Variants in PPM1F observed in about 807,000 individuals in gnomAD.
The protein encoded by PPM1F is protein phosphatase, Mg2+/Mn2+ dependent 1F.
In PPM1F, 17 loss-of-function variants were observed where a neutral mutation model predicts 35.5. That is an observed-to-expected ratio of 0.48 (90% confidence interval 0.33 to 0.72). PPM1F has a LOEUF of 0.72. Among genes scored for constraint, PPM1F ranks in the 30% least tolerant of loss-of-function variants. The probability of loss-of-function intolerance (pLI) is 0.02; values close to 1 mark genes in which losing one functional copy is unlikely to be tolerated. For synonymous variants in PPM1F, 241 were observed against 255.5 expected (o/e 0.94, Z 0.54); for missense variants, 521 against 613.0 (o/e 0.85, Z 1.59).
intron 1 of PPM1F, chr22:21,951,004 ATTTT>A (rs948757221): frequency 1.3e-5 from 2 of 151,932 alleles, no homozygotes; most frequent in African/African-American, 4.8e-5. Flanking sequence ...TAAATCCTAG[ATTTT>A]TTTTCTACAT....
At chr22:21,938,477 ACTG>A (rs2070688489) in intron 3 of PPM1F, 6 of 1,109,584 alleles carry the variant, frequency 5.4e-6, no homozygotes, top group Non-Finnish European at 6.7e-6. Flanking sequence ...GCGGGCACCC[ACTG>A]ATGCTGGCGG....
chr22:21,927,855 G>A (rs768116831), intron 6 of PPM1F, among the ~76,000 whole-genome samples: 6 of 152,038 alleles, frequency 3.9e-5, no homozygotes, highest in African/African-American at 1.2e-4. Flanking sequence ...AGTCTGGTCC[G>A]GGACTAACAT....
Position 21,939,714 on chromosome 22 carries a change from C to G in PPM1F, c.207-34G>C. 1 of 1,550,540 alleles carries G rather than the reference C, an allele frequency of 6.4e-7. No individual in the cohort carries two copies. The highest frequency in any genetic ancestry group is 1.2e-5 in the South Asian group (1 of 84,036). On this transcript the variant is annotated intron_variant, in intron 2 of 7. Transcript: ENST00000263212. The surrounding 1 kb of genome is among the most constrained non-coding windows in gnomAD (Gnocchi z 5.1). ...GAGGAGGGGGAAGTGAGGGGCAGCC[C>G]CCAGCAGGAGACCACACCTAGCCCC...
At chr22:21,948,547 G>A (rs1164506321) in intron 1 of PPM1F, 1 of 152,228 alleles carries the variant, frequency 6.6e-6, no homozygotes, top group Non-Finnish European at 1.5e-5. Flanking sequence ...AGCAAGCTTG[G>A]CTGCCCTCAA....
chr22:21,928,400 C>G (rs1032748498), intron 6 of PPM1F, among the ~76,000 whole-genome samples: 3 of 152,206 alleles, frequency 2.0e-5, no homozygotes, highest in East Asian at 3.9e-4. Flanking sequence ...TCACTGCCCT[C>G]CTGAACTCAC....
chr22:21,933,037 G>GT (rs1042177090), intron 5 of PPM1F, among the ~76,000 whole-genome samples: 3 of 152,154 alleles, frequency 2.0e-5, no homozygotes, highest in African/African-American at 7.2e-5. Flanking sequence ...CTCAGGAACT[G>GT]TGAGTAGTAG....
At position 21,946,132 on chromosome 22, in the gene PPM1F, C is replaced by A. The variant is rs1017822166; in HGVS notation, c.-60-24G>T. The stretch of plus-strand genomic sequence containing the variant: ...CCCTGGGGAGAAATGTCAGAGTCAG[C>A]AGAATCAGGGGGCCATGGCACCAGC... On this transcript the variant is annotated intron_variant, in intron 1 of 7. Coordinates refer to ENST00000263212, the MANE Select transcript of PPM1F (RefSeq NM_014634.4). 6.7e-6 allele frequency: 8 copies of A among 1,200,586 alleles called. No individual in the cohort carries two copies. The African/African-American group carries it at 1.1e-4, about 16-fold the overall frequency. The allele number at this position is 1,200,586 out of a possible 1,614,324, so 74.4% of individuals were successfully genotyped here. A position where few individuals can be genotyped will look rare whatever the true frequency, so the allele number is the denominator to read the frequency against.
chr22:21,922,895 A>G lies in PPM1F; in HGVS notation c.*197T>C. 2.9e-6 allele frequency: 2 copies of G among 681,212 alleles called. No homozygotes were observed. Among genetic ancestry groups the G allele is most frequent in the Non-Finnish European group, 5.0e-6 (2 of 403,208 alleles). 42.2% of individuals were successfully genotyped at this position (681,212 alleles called of 1,614,324 possible). On this transcript the variant is annotated 3_prime_UTR_variant, in exon 8 of 8. Coordinates refer to ENST00000263212, the MANE Select transcript of PPM1F (RefSeq NM_014634.4). The stretch of plus-strand genomic sequence containing the variant: ...GAGGTCTCCTAAGCTGCCTTCCACC[A>G]TCTGCCCGCCACCCAGTGCAGTTCC...
chr22:21,931,492 C>T (rs766022769), intron 5 of PPM1F, among the ~76,000 whole-genome samples: 6 of 151,488 alleles, frequency 4.0e-5, no homozygotes, highest in African/African-American at 7.3e-5. Flanking sequence ...AATTGTATCT[C>T]AATAAAGATG....
At chr22:21,951,758 T>C (rs1360428167) in intron 1 of PPM1F, 1 of 152,248 alleles carries the variant, frequency 6.6e-6, no homozygotes, top group African/African-American at 2.4e-5. Flanking sequence ...AAGTACATAC[T>C]GTCAGGCTAC....
Position 21,939,726 on chromosome 22 carries a change from C to T in PPM1F, c.207-46G>A. 6.5e-7 allele frequency: 1 copy of T among 1,546,858 alleles called. No individual in the cohort carries two copies. The highest frequency in any genetic ancestry group is 8.7e-7 in the Non-Finnish European group (1 of 1,144,130). ...GTGAGGGGCAGCCCCCAGCAGGAGACCACACCTAGCCCCCCTTCCCCAACT... is the reference window on the plus strand; with the variant it reads ...GTGAGGGGCAGCCCCCAGCAGGAGATCACACCTAGCCCCCCTTCCCCAACT... On this transcript the variant is annotated intron_variant, in intron 2 of 7. Coordinates refer to ENST00000263212, the MANE Select transcript of PPM1F (RefSeq NM_014634.4). This position sits in a 1 kb window ranked among gnomAD's most constrained non-coding sequence, Gnocchi z 5.1.
At position 21,923,256 on chromosome 22, in the gene PPM1F, C is replaced by T. The variant is rs2070469084; in HGVS notation, c.1201G>A (p.Gly401Ser). The change falls in exon 8 of 8, where the codon GGC (glycine) becomes AGC (serine). Residue 401 changes from glycine (G) to serine (S), a missense_variant. Physicochemically the swap from Gly to Ser is moderately conservative, Grantham distance 56 (BLOSUM62 0). This residue lies in a region of PPM1F where 163 missense variants were observed against 169.6 expected (regional missense o/e 0.96). Transcript: ENST00000263212. ...EELVAAARER[G>S]SHDNITVMVV... ...ATGACCGTGATGTTGTCGTGGGAGC[C>T]CCGCTCCCGGGCCGCAGCCACCAGC... is the stretch of plus-strand genomic sequence containing the variant. The T allele has an allele frequency of 6.2e-7, 1 of 1,613,398 alleles. No homozygotes were observed. Among genetic ancestry groups the T allele is most frequent in the Non-Finnish European group, 8.5e-7 (1 of 1,179,958 alleles).
chr22:21,931,391 T>G, intron 5 of PPM1F, 100 bp from the exon 6 acceptor site: 1 of 1,205,564 alleles, frequency 8.3e-7, no homozygotes, highest in Non-Finnish European at 1.2e-6. Flanking sequence ...AATACTTCCG[T>G]TACTGTGGTG....
chr22:21,945,054 A>G (rs2070763326), intron 2 of PPM1F: 1 of 152,328 alleles, frequency 6.6e-6, no homozygotes, highest in South Asian at 2.1e-4. Flanking sequence ...CTCCTCGTCC[A>G]TCACACGGAT....
At chr22:21,934,622 C>T (rs1245194637) in intron 3 of PPM1F, 5 of 168,932 alleles carry the variant, frequency 3.0e-5, no homozygotes, top group South Asian at 1.1e-4. Context: ...CAGTGGCTCA[C>T]GCCTGTAATC....
Position 21,934,229 on chromosome 22 carries a change from G to C in PPM1F, c.356-3C>G, listed in dbSNP as rs2070631554. Reference sequence around the variant, plus strand: ...TGCCAGGCTTTGGGCATCCAGCACTGATGGGCACAATGGAGGGATTGTCAG... The same window carrying C: ...TGCCAGGCTTTGGGCATCCAGCACTCATGGGCACAATGGAGGGATTGTCAG... On this transcript the variant is annotated splice_polypyrimidine_tract_variant and splice_region_variant and intron_variant, in intron 3 of 7. Transcript: ENST00000263212. 1 of 1,561,728 alleles carries C rather than the reference G, an allele frequency of 6.4e-7. No homozygotes were observed.
At chr22:21,923,550 C>T in intron 7 of PPM1F, 79 bp from the exon 8 acceptor site, 1 of 1,480,866 alleles carries the variant, frequency 6.8e-7, no homozygotes, top group Non-Finnish European at 9.1e-7. Flanking sequence ...GCCTAGACCT[C>T]ACATCCTGCA....
At chr22:21,923,546 A>C in intron 7 of PPM1F, 75 bp from the exon 8 acceptor site, 2 of 1,493,650 alleles carry the variant, frequency 1.3e-6, no homozygotes, top group Non-Finnish European at 1.8e-6. Context: ...CCAGGCCTAG[A>C]CCTCACATCC....
In PPM1F at chr22:21,939,748, A is replaced by C; in HGVS notation, c.207-68T>G. 6.5e-6 allele frequency: 10 copies of C among 1,532,502 alleles called. No homozygotes were observed. The highest frequency in any genetic ancestry group is 8.8e-6 in the Non-Finnish European group (10 of 1,134,062). 94.9% of individuals were successfully genotyped at this position (1,532,502 alleles called of 1,614,324 possible). On this transcript the variant is annotated intron_variant, in intron 2 of 7. Coordinates refer to ENST00000263212, the MANE Select transcript of PPM1F (RefSeq NM_014634.4). This position sits in a 1 kb window ranked among gnomAD's most constrained non-coding sequence, Gnocchi z 5.1. ...AGACCACACCTAGCCCCCCTTCCCC[A>C]ACTGTCAGCCCACATGCTGAGGGGT...
Sources: gnomAD v4.1 joint callset for allele counts (sites outside exome capture counted in the v4.1 genomes callset) on GRCh38, gnomAD v4.1.1 for gene constraint, gnomAD v4.1.1 regional missense constraint, Gnocchi (gnomAD v3.1) non-coding constraint, MANE v1.5 for transcripts, NCBI Gene and HGNC (gene_info 2026-07-23, HGNC 2026-07-21) for gene names.